Variants in TLN2 observed in about 807,000 individuals in gnomAD.
TLN2 encodes talin-2.
A neutral mutation model predicts 294.7 loss-of-function variants in TLN2; 118 were observed. That is an observed-to-expected ratio of 0.40 (90% CI 0.34 to 0.47). The LOEUF (loss-of-function observed/expected upper bound fraction) is 0.47, where lower values mean the gene tolerates loss of function less well. Ranked by LOEUF, TLN2 falls within the 20% of genes least tolerant of loss-of-function variation. TLN2 has a pLI of 0.84. For synonymous variants in TLN2, 1,431 were observed against 1,304.5 expected (o/e 1.10, Z -2.09); for missense variants, 3,083 against 3,282.2 (o/e 0.94, Z 1.48).
At chr15:62,744,848 G>C (rs990645948) in intron 32 of TLN2, among the ~76,000 whole-genome samples, 2 of 152,144 alleles carry the variant, frequency 1.3e-5, no homozygotes, top group Non-Finnish European at 2.9e-5. Context: ...GCCTGGCCTA[G>C]ATTATTTTTT....
intron 1 of TLN2, among the ~76,000 whole-genome samples, chr15:62,441,775 T>C (rs567001420): frequency 9.2e-5 from 14 of 152,140 alleles, no homozygotes; most frequent in Non-Finnish European, 1.6e-4. Context: ...TGGCCAATGA[T>C]GTGATCAGTC....
chr15:62,810,749 AG>A (rs1364194443), intron 52 of TLN2, among the ~76,000 whole-genome samples: 2 of 152,174 alleles, frequency 1.3e-5, no homozygotes, highest in African/African-American at 4.8e-5. Context: ...TGCTGAGTTC[AG>A]GAGCCATGTT....
chr15:62,397,593 CT>C (rs1402103064), intron 1 of TLN2, among the ~76,000 whole-genome samples: 4 of 152,172 alleles, frequency 2.6e-5, no homozygotes, highest in Non-Finnish European at 5.9e-5. Flanking sequence ...TACTGTGTGA[CT>C]CTCTGAATCC....
At chr15:62,752,925 A>C (rs947560156) in intron 35 of TLN2, among the ~76,000 whole-genome samples, 2 of 152,166 alleles carry the variant, frequency 1.3e-5, no homozygotes, top group Admixed American at 6.5e-5. Context: ...AGAAGCTTCA[A>C]AGATGTCAGC....
intron 1 of TLN2, among the ~76,000 whole-genome samples, chr15:62,432,309 C>T (rs539943095): frequency 4.1e-4 from 62 of 152,236 alleles, no homozygotes; most frequent in African/African-American, 1.5e-3. Flanking sequence ...AAAGAACAGA[C>T]ATTTATTTGT....
intron 1 of TLN2, among the ~76,000 whole-genome samples, chr15:62,540,625 C>G (rs1015126737): frequency 2.0e-5 from 3 of 152,028 alleles, no homozygotes; most frequent in Non-Finnish European, 2.9e-5. Flanking sequence ...AGGACCTGGA[C>G]TTTGGAACTC....
At chr15:62,621,041 A>G (rs545977621) in intron 3 of TLN2, among the ~76,000 whole-genome samples, 21 of 150,268 alleles carry the variant, frequency 1.4e-4, no homozygotes, top group East Asian at 4.0e-4. Context: ...GGGTTTCACC[A>G]TGTTAGCCAG....
chr15:62,608,494 G>T (rs1422761802), intron 2 of TLN2, among the ~76,000 whole-genome samples: 3 of 152,128 alleles, frequency 2.0e-5, no homozygotes, highest in Non-Finnish European at 4.4e-5. Flanking sequence ...AGGAGATGAT[G>T]GGATGGCAGT....
At chr15:62,800,831 C>A in intron 50 of TLN2, 62 bp downstream of exon 50, 1 of 1,413,148 alleles carries the variant, frequency 7.1e-7, no homozygotes, top group Non-Finnish European at 9.7e-7. Flanking sequence ...CCAGTGAGGG[C>A]TCATTTGAGG....
At chr15:62,624,058 C>T (rs116919582) in intron 3 of TLN2, among the ~76,000 whole-genome samples, 1 of 152,278 alleles carries the variant, frequency 6.6e-6, no homozygotes, top group Non-Finnish European at 1.5e-5. Flanking sequence ...TCACATGGGC[C>T]TGAGGATGGA....
intron 8 of TLN2, among the ~76,000 whole-genome samples, chr15:62,657,401 T>G (rs751207093): frequency 6.6e-6 from 1 of 152,174 alleles, no homozygotes; most frequent in Non-Finnish European, 1.5e-5. Flanking sequence ...GCTTTGTGAT[T>G]TAGGATTGTA....
intron 42 of TLN2, among the ~76,000 whole-genome samples, chr15:62,776,341 C>T (rs776698413): frequency 6.6e-6 from 1 of 152,114 alleles, no homozygotes; most frequent in Non-Finnish European, 1.5e-5. Context: ...GTAATCCAGT[C>T]TTATCTTTAG....
intron 1 of TLN2, among the ~76,000 whole-genome samples, chr15:62,410,029 G>A (rs1227409260): frequency 2.6e-5 from 4 of 152,172 alleles, no homozygotes; most frequent in South Asian, 2.1e-4. Flanking sequence ...GGATCACGAG[G>A]TCAGGAGTTC....
chr15:62,414,164 C>CAATATATATATA (rs1273620699), intron 1 of TLN2, among the ~76,000 whole-genome samples: 953 of 90,598 alleles, frequency 0.011, 70 homozygotes, highest in Admixed American at 0.019. Flanking sequence ...AAAAAAAAAA[C>CAATATATATATA]TATATATATA....
chr15:62,744,586 G>A (rs986084109), intron 32 of TLN2, among the ~76,000 whole-genome samples: 2 of 151,638 alleles, frequency 1.3e-5, no homozygotes, highest in Non-Finnish European at 2.9e-5. Flanking sequence ...TCGCTCCGTC[G>A]CCCAGGCTGG....
At position 62,842,982 on chromosome 15, in the gene TLN2, G is replaced by GGATGTTATTT. The variant is rs1460046972; in HGVS notation, c.*2373_*2382dup. The stretch of plus-strand genomic sequence containing the variant: ...ATAGTTGAAGGGCCATGCCTTGTCT[G>GGATGTTATTT]GATGTTATTTAATAGGCACTACTGC... On this transcript the variant is annotated 3_prime_UTR_variant, in exon 59 of 59. Transcript: ENST00000636159. 2 of 152,200 alleles carry GGATGTTATTT rather than the reference G, an allele frequency of 1.3e-5. No homozygotes were observed. The highest frequency in any genetic ancestry group is 4.8e-5 in the African/African-American group (2 of 41,440). The allele number at this position is 152,200 out of a possible 1,614,324, so 9.4% of individuals were successfully genotyped here.
chr15:62,544,333 C>T (rs746037176), intron 1 of TLN2, among the ~76,000 whole-genome samples: 8 of 152,138 alleles, frequency 5.3e-5, no homozygotes, highest in Non-Finnish European at 1.2e-4. Context: ...CCTCTGGGTT[C>T]GCCAACACTC....
intron 52 of TLN2, among the ~76,000 whole-genome samples, chr15:62,818,427 T>G (rs1392057589): frequency 6.6e-6 from 1 of 152,138 alleles, no homozygotes; most frequent in Non-Finnish European, 1.5e-5. Flanking sequence ...GCACTAGAAT[T>G]TAGATCCCTG....
At chr15:62,783,638 C>T in intron 44 of TLN2, 133 bp from the exon 45 acceptor site, 2 of 1,440,094 alleles carry the variant, frequency 1.4e-6, no homozygotes, top group Non-Finnish European at 9.1e-7. Flanking sequence ...CAAGGCCTGG[C>T]CTTCACCCCC....
Sources: gnomAD v4.1 joint callset for allele counts (sites outside exome capture counted in the v4.1 genomes callset) on GRCh38, gnomAD v4.1.1 for gene constraint, MANE v1.5 for transcripts, NCBI Gene and HGNC (gene_info 2026-07-23, HGNC 2026-07-21) for gene names.